The following ANKRD50 variants were observed in gnomAD, a reference collection of about 807,000 sequenced individuals.
ANKRD50 encodes ankyrin repeat domain-containing protein 50.
ANKRD50 carries 40 observed loss-of-function variants against 112.0 expected under a neutral mutation model. The ratio of observed to expected loss-of-function variants is 0.36; its 90% CI spans 0.28 to 0.46. ANKRD50 has a LOEUF of 0.46. Ranked by LOEUF, ANKRD50 falls within the 20% of genes least tolerant of loss-of-function variation. The probability of loss-of-function intolerance (pLI) is 1.00; values close to 1 mark genes in which losing one functional copy is unlikely to be tolerated. For synonymous variants in ANKRD50, 613 were observed against 619.1 expected (o/e 0.99, Z 0.15); for missense variants, 1,487 against 1,701.7 (o/e 0.87, Z 2.22).
chr4:124,708,889 A>T (rs2110530632), intron 2 of ANKRD50, among the ~76,000 whole-genome samples: 1 of 152,188 alleles, frequency 6.6e-6, no homozygotes, highest in African/African-American at 2.4e-5. Context: ...TAAAGCACTT[A>T]GAATAATGAC....
chr4:124,700,108 G>T (rs948366301), intron 2 of ANKRD50, among the ~76,000 whole-genome samples: 6 of 152,184 alleles, frequency 3.9e-5, no homozygotes, highest in Admixed American at 3.9e-4. Context: ...GACTTCTAAA[G>T]ATTCAGTGAA....
In ANKRD50 at chr4:124,665,135, A is replaced by G. The variant is rs1258772125; in HGVS notation, c.*2383T>C. Reference sequence around the variant, plus strand: ...GAAGCCATTTTCATTTATAGTATTAAATCCCCCACAGAAACAAATAAGCAA... The same window carrying G: ...GAAGCCATTTTCATTTATAGTATTAGATCCCCCACAGAAACAAATAAGCAA... On this transcript the variant is annotated 3_prime_UTR_variant, in exon 5 of 5. Coordinates refer to ENST00000504087, the MANE Select transcript of ANKRD50 (RefSeq NM_020337.3). 1 of 151,922 alleles carries G rather than the reference A, an allele frequency of 6.6e-6. No individual in the cohort carries two copies. The highest frequency in any genetic ancestry group is 1.9e-4 in the East Asian group (1 of 5,186). 9.4% of individuals were successfully genotyped at this position (151,922 alleles called of 1,614,324 possible). A position where few individuals can be genotyped will look rare whatever the true frequency, so the allele number is the denominator to read the frequency against.
Position 124,670,084 on chromosome 4 carries a change from A to G in ANKRD50, c.3193T>C (p.Leu1065=), listed in dbSNP as rs1000014384. ...EGHIDVVQVL[L]EHGADPNHAD... ...TGGTTTGGATCAGCACCATGCTCTAATAAGACCTGAACAACATCAATGTGC... is the reference window on the plus strand; with the variant it reads ...TGGTTTGGATCAGCACCATGCTCTAGTAAGACCTGAACAACATCAATGTGC... The change falls in exon 4 of 5, where the codon TTA becomes CTA. Residue 1065 remains leucine (L), a synonymous_variant. Transcript: ENST00000504087. 1.2e-6 allele frequency: 2 copies of G among 1,613,368 alleles called. No individual in the cohort carries two copies. Among genetic ancestry groups the G allele is most frequent in the Non-Finnish European group, 1.7e-6 (2 of 1,179,734 alleles).
Position 124,670,886 on chromosome 4 carries a change from T to A in ANKRD50, c.2391A>T (p.Val797=), listed in dbSNP as rs1560818547. 1 of 1,613,816 alleles carries A rather than the reference T, an allele frequency of 6.2e-7. No individual in the cohort carries two copies. Residue 797 remains valine, a synonymous_variant, in exon 4 of 5, where the codon GTA becomes GTT. Coordinates refer to ENST00000504087, the MANE Select transcript of ANKRD50 (RefSeq NM_020337.3). ...CTGCACCCCAAAACAAAAGTGTATT[T>A]ACAACTGATGCATGACCCATAGACG... The part of the protein sequence containing the change: ...AAASMGHASV[V]NTLLFWGAAV...
In ANKRD50 at chr4:124,670,072, C is replaced by T. The variant is rs1461879639; in HGVS notation, c.3205G>A (p.Ala1069Thr). The T allele has an allele frequency of 6.2e-7, 1 of 1,613,364 alleles. No individual in the cohort carries two copies. Among genetic ancestry groups the T allele is most frequent in the South Asian group, 1.1e-5 (1 of 90,934 alleles). The change falls in exon 4 of 5, where the codon GCT (alanine) becomes ACT (threonine). Residue 1069 changes from alanine (A) to threonine (T), a missense_variant. This residue lies in a region of ANKRD50 where 441 missense variants were observed against 432.2 expected (regional missense o/e 1.02). Coordinates refer to ENST00000504087, the MANE Select transcript of ANKRD50 (RefSeq NM_020337.3). ...AATTGATCAGCATGGTTTGGATCAGCACCATGCTCTAATAAGACCTGAACA... is the reference window on the plus strand; with the variant it reads ...AATTGATCAGCATGGTTTGGATCAGTACCATGCTCTAATAAGACCTGAACA... ...DVVQVLLEHG[A>T]DPNHADQFGR...
chr4:124,673,839 C>T (rs1730713971), intron 3 of ANKRD50, among the ~76,000 whole-genome samples: 1 of 151,840 alleles, frequency 6.6e-6, no homozygotes, highest in African/African-American at 2.4e-5. Flanking sequence ...CTAATATAGC[C>T]CTTTGTATAT....
At chr4:124,694,836 G>C (rs1445095976) in intron 2 of ANKRD50, among the ~76,000 whole-genome samples, 1 of 151,986 alleles carries the variant, frequency 6.6e-6, no homozygotes, top group Non-Finnish European at 1.5e-5. Context: ...ATAACAATTA[G>C]AGCAGGAAGA....
chr4:124,709,420 A>T (rs1375702022), intron 2 of ANKRD50, among the ~76,000 whole-genome samples: 1 of 152,182 alleles, frequency 6.6e-6, no homozygotes, highest in Admixed American at 6.5e-5. Context: ...TAAAAGTAGT[A>T]AGATGATCCC....
chr4:124,681,501 T>TA (rs1724886107), intron 2 of ANKRD50, among the ~76,000 whole-genome samples: 1 of 152,164 alleles, frequency 6.6e-6, no homozygotes, highest in Non-Finnish European at 1.5e-5. Flanking sequence ...CCTTCTCCCC[T>TA]AGTCCTGGGC....
At chr4:124,706,543 A>G (rs767037437) in intron 2 of ANKRD50, among the ~76,000 whole-genome samples, 1 of 152,124 alleles carries the variant, frequency 6.6e-6, no homozygotes, top group Non-Finnish European at 1.5e-5. Flanking sequence ...TGAAGAAAAG[A>G]TAAGTGGATT....
chr4:124,697,529 T>C lies in ANKRD50; in HGVS notation c.512+12471A>G, dbSNP rs559381303. Among the ~76,000 whole-genome samples the C allele has an allele frequency of 1.1e-4, 16 of 152,272 alleles. No homozygotes were observed. The South Asian group carries it at 1.2e-3, about 12-fold the overall frequency. On this transcript the variant is annotated intron_variant, in intron 2 of 4. Coordinates refer to ENST00000504087, the MANE Select transcript of ANKRD50 (RefSeq NM_020337.3). ...AGCAGGTAAGTTATAAAGAGTGAGG[T>C]TGCCTCTAGTGTGAGGTCTCTTTGC...
At chr4:124,694,096 G>GC (rs1725198254) in intron 2 of ANKRD50, among the ~76,000 whole-genome samples, 1 of 152,064 alleles carries the variant, frequency 6.6e-6, no homozygotes, top group African/African-American at 2.4e-5. Flanking sequence ...ATAAAGTAAA[G>GC]CAAGTGGAAC....
At chr4:124,700,459 C>T (rs1000840197) in intron 2 of ANKRD50, among the ~76,000 whole-genome samples, 1 of 152,014 alleles carries the variant, frequency 6.6e-6, no homozygotes, top group Non-Finnish European at 1.5e-5. Flanking sequence ...AGTAATAGTC[C>T]AGCAATAGAA....
intron 3 of ANKRD50, among the ~76,000 whole-genome samples, chr4:124,675,949 G>C (rs1730765145): frequency 6.6e-6 from 1 of 151,724 alleles, no homozygotes; most frequent in African/African-American, 2.4e-5. Flanking sequence ...TATAAAAACT[G>C]TCTTTCCAAA....
intron 4 of ANKRD50, 59 bp downstream of exon 4, chr4:124,668,925 A>G (rs1730560537): frequency 6.8e-7 from 1 of 1,468,878 alleles, no homozygotes; most frequent in Admixed American, 2.3e-5. Context: ...GGAAAAGAGC[A>G]TTCCAAGTAG....
chr4:124,700,798 C>T (rs1413779125), intron 2 of ANKRD50, among the ~76,000 whole-genome samples: 1 of 152,134 alleles, frequency 6.6e-6, no homozygotes, highest in Non-Finnish European at 1.5e-5. Flanking sequence ...CCATAGCTCT[C>T]TCATGTTCCT....
chr4:124,682,322 C>CAAAAAAAA (rs36107017), intron 2 of ANKRD50, among the ~76,000 whole-genome samples: 2 of 87,544 alleles, frequency 2.3e-5, no homozygotes, highest in African/African-American at 4.5e-5. Flanking sequence ...GACTCCGTCT[C>CAAAAAAAA]AAAAAAAAAA....
chr4:124,698,920 C>T (rs1725320414), intron 2 of ANKRD50, among the ~76,000 whole-genome samples: 1 of 152,060 alleles, frequency 6.6e-6, no homozygotes, highest in African/African-American at 2.4e-5. Context: ...CTGAACACAT[C>T]TGTGATTAGA....
At position 124,700,338 on chromosome 4, in the gene ANKRD50, G is replaced by C. The variant is rs140288848; in HGVS notation, c.512+9662C>G. On this transcript the variant is annotated intron_variant, in intron 2 of 4. Transcript: ENST00000504087. ...GAGCTTAGGTTTTATTCTAAACATA[G>C]TAAGAAGCCACTGGAAGGTTTTAAG... 5.0e-4 allele frequency among the ~76,000 whole-genome samples: 76 copies of C among 152,340 alleles called. 4 individuals are homozygous for C. Among genetic ancestry groups the C allele is most frequent in the African/African-American group, 1.8e-3 (73 of 41,576 alleles).
Sources: allele counts gnomAD v4.1 joint callset (sites outside exome capture counted in the v4.1 genomes callset), GRCh38; gene constraint gnomAD v4.1.1; regional missense constraint gnomAD v4.1.1; transcripts MANE v1.5; gene names NCBI Gene and HGNC (gene_info 2026-07-23, HGNC 2026-07-21).